The following FRYL variants were observed in gnomAD, a reference collection of about 807,000 sequenced individuals.
FRYL encodes the protein FRY like transcription coactivator.
A neutral mutation model predicts 351.2 loss-of-function variants in FRYL; 150 were observed. That is an observed-to-expected ratio of 0.43 (90% CI 0.37 to 0.49). The LOEUF is 0.49. Ranked by LOEUF, FRYL falls within the 20% of genes least tolerant of loss-of-function variation. FRYL has a pLI of 0.00. For missense variants in FRYL, 3,036 were observed against 3,619.3 expected (o/e 0.84, Z 4.13); for synonymous variants, 1,153 against 1,257.1 (o/e 0.92, Z 1.75).
intron 1 of FRYL, among the ~76,000 whole-genome samples, chr4:48,721,298 G>T (rs1250095381): frequency 6.6e-6 from 1 of 151,820 alleles, no homozygotes; most frequent in Non-Finnish European, 1.5e-5. Context: ...GAATGGGGAA[G>T]TACAAAACAA....
intron 3 of FRYL, among the ~76,000 whole-genome samples, chr4:48,640,564 A>G (rs1425379516): frequency 6.6e-6 from 1 of 152,200 alleles, no homozygotes; most frequent in Non-Finnish European, 1.5e-5. Flanking sequence ...GTAGTATAGT[A>G]TATGGTGGAT....
rs1401394366 is a variant in FRYL, at chr4:48,499,311, AAGT to A, written c.*108_*110del. The A allele has an allele frequency of 1.1e-6, 1 of 906,960 alleles. No individual in the cohort carries two copies. Among genetic ancestry groups the A allele is most frequent in the African/African-American group, 1.7e-5 (1 of 60,150 alleles). The allele number at this position is 906,960 out of a possible 1,614,324, so 56.2% of individuals were successfully genotyped here. A position where few individuals can be genotyped will look rare whatever the true frequency, so the allele number is the denominator to read the frequency against. On this transcript the variant is annotated 3_prime_UTR_variant, in exon 64 of 64. Transcript: ENST00000358350. The stretch of plus-strand genomic sequence containing the variant: ...ACAGTTTGACATTAGTTACACTAAA[AAGT>A]AGATGCTGCCAGAAAGTTATCAGTG...
chr4:48,692,476 T>A (rs1403420277), intron 2 of FRYL, among the ~76,000 whole-genome samples: 1 of 151,964 alleles, frequency 6.6e-6, no homozygotes, highest in Non-Finnish European at 1.5e-5. Flanking sequence ...CACGGCAACC[T>A]CCACCTCCCA....
intron 3 of FRYL, among the ~76,000 whole-genome samples, chr4:48,671,224 A>AT (rs1028618282): frequency 2.0e-5 from 3 of 152,236 alleles, no homozygotes; most frequent in Non-Finnish European, 4.4e-5. Context: ...CCTTAAAAAG[A>AT]TACTTAAGAA....
intron 43 of FRYL, 34 bp downstream of exon 43, chr4:48,544,749 T>C (rs1730972734): frequency 1.3e-6 from 2 of 1,538,664 alleles, no homozygotes; most frequent in African/African-American, 1.4e-5. Flanking sequence ...CACATTAAAA[T>C]GTCACTAAAA....
intron 1 of FRYL, among the ~76,000 whole-genome samples, chr4:48,752,911 A>C (rs1028816605): frequency 2.2e-4 from 33 of 152,150 alleles, no homozygotes; most frequent in African/African-American, 7.7e-4. Context: ...ACTAGCAGTA[A>C]GAGAAGGCCA....
intron 1 of FRYL, among the ~76,000 whole-genome samples, chr4:48,768,391 T>G (rs1228132620): frequency 6.6e-6 from 1 of 152,202 alleles, no homozygotes; most frequent in African/African-American, 2.4e-5. Flanking sequence ...TATTAGTGCT[T>G]TATCAAAAAT....
At chr4:48,540,137 T>A in intron 46 of FRYL, 69 bp from the exon 47 acceptor site, 2 of 1,296,486 alleles carry the variant, frequency 1.5e-6, no homozygotes, top group Non-Finnish European at 2.2e-6. Context: ...TAAAGTTATT[T>A]TTTTAGATGG....
At chr4:48,716,960 A>G (rs1436656976) in intron 1 of FRYL, among the ~76,000 whole-genome samples, 1 of 151,176 alleles carries the variant, frequency 6.6e-6, no homozygotes, top group Non-Finnish European at 1.5e-5. Context: ...GGATGAGTTC[A>G]TGTCCTTTGT....
At chr4:48,769,474 C>G (rs1335083165) in intron 1 of FRYL, among the ~76,000 whole-genome samples, 5 of 152,312 alleles carry the variant, frequency 3.3e-5, no homozygotes, top group Non-Finnish European at 7.4e-5. Context: ...TGAAATGGAA[C>G]TTTCCATATA....
chr4:48,770,272 TA>T (rs1007999242), intron 1 of FRYL, among the ~76,000 whole-genome samples: 3 of 151,074 alleles, frequency 2.0e-5, no homozygotes, highest in Non-Finnish European at 1.5e-5. Flanking sequence ...CTTCAAAATT[TA>T]AAAAAAAATG....
At chr4:48,545,962 C>T (rs771401537) in intron 42 of FRYL, 105 bp downstream of exon 42, 31 of 1,008,692 alleles carry the variant, frequency 3.1e-5, no homozygotes, top group Non-Finnish European at 4.4e-5. Context: ...GTGTATTTCA[C>T]ATCAATGGTA....
chr4:48,663,140 A>G (rs1578608057), intron 3 of FRYL, among the ~76,000 whole-genome samples: 1 of 152,148 alleles, frequency 6.6e-6, no homozygotes, highest in Non-Finnish European at 1.5e-5. Context: ...GTAATTAACA[A>G]TGAACATTTG....
At position 48,621,034 on chromosome 4, in the gene FRYL, C is replaced by T. The variant is rs184503498; in HGVS notation, c.175-256G>A. Among the ~76,000 whole-genome samples, 18 of 152,274 alleles carry T rather than the reference C, an allele frequency of 1.2e-4. 1 individual carries two copies. Among genetic ancestry groups the T allele is most frequent in the East Asian group, 1.2e-3 (6 of 5,182 alleles). On this transcript the variant is annotated intron_variant, in intron 5 of 63. Coordinates refer to ENST00000358350, the MANE Select transcript of FRYL (RefSeq NM_015030.2). The stretch of plus-strand genomic sequence containing the variant: ...CTTTTCCCTGCCTCCATATGCCACT[C>T]GCACATGTAAAAACATGCCCATTAG...
chr4:48,767,701 T>C (rs941866616), intron 1 of FRYL, among the ~76,000 whole-genome samples: 5 of 152,206 alleles, frequency 3.3e-5, no homozygotes, highest in African/African-American at 9.7e-5. Context: ...CGGTACAAAC[T>C]TTCAGTTTAT....
chr4:48,630,560 G>A (rs1160084803), intron 4 of FRYL, among the ~76,000 whole-genome samples: 2 of 152,092 alleles, frequency 1.3e-5, no homozygotes, highest in African/African-American at 4.8e-5. Context: ...ACCGAGGATT[G>A]ATCCATCTCC....
chr4:48,655,992 A>G (rs1758833793), intron 3 of FRYL, among the ~76,000 whole-genome samples: 2 of 138,720 alleles, frequency 1.4e-5, no homozygotes, highest in African/African-American at 2.6e-5. Flanking sequence ...AATGTGCAAT[A>G]TATGTATATA....
In FRYL at chr4:48,687,534, G is replaced by A. The variant is rs927009034; in HGVS notation, c.-203-2739C>T. ...AGGGGGGAGGGGGGCGGAAAGCCTC[G>A]CTTCACTTCAGTACACAAAGCAAAA... On this transcript the variant is annotated intron_variant, in intron 2 of 63. Transcript: ENST00000358350. Among the ~76,000 whole-genome samples the A allele has an allele frequency of 1.1e-4, 17 of 148,984 alleles. No homozygotes were observed. In the East Asian group the frequency reaches 1.6e-3, roughly 14 times the overall value.
intron 55 of FRYL, among the ~76,000 whole-genome samples, chr4:48,519,810 T>C (rs915352298): frequency 2.0e-5 from 3 of 152,030 alleles, no homozygotes; most frequent in African/African-American, 7.2e-5. Context: ...CTCAGCTCAC[T>C]GCAACCTCCG....
Sources: allele counts gnomAD v4.1 joint callset (sites outside exome capture counted in the v4.1 genomes callset), GRCh38; gene constraint gnomAD v4.1.1; transcripts MANE v1.5; gene names NCBI Gene and HGNC (gene_info 2026-07-23, HGNC 2026-07-21).